CACNG5: variants seen among roughly 807,000 people sequenced by gnomAD.
CACNG5 encodes the protein voltage-dependent calcium channel gamma-5 subunit.
CACNG5 carries 18 observed loss-of-function variants against 24.8 expected under a neutral mutation model. The ratio of observed to expected loss-of-function variants is 0.73; its 90% CI spans 0.50 to 1.08. The LOEUF is 1.08. CACNG5 is among the 50% of genes least tolerant of loss of function. CACNG5 has a pLI of 0.00. For missense variants in CACNG5, 349 were observed against 367.9 expected, an observed-to-expected ratio of 0.95 and a Z score of 0.42; for synonymous variants, 157 against 149.1, an observed-to-expected ratio of 1.05 and a Z score of -0.39.
intron 4 of CACNG5, among the ~76,000 whole-genome samples, chr17:66,881,616 GT>G (rs1179947485): frequency 2.6e-5 from 4 of 152,198 alleles, no homozygotes; most frequent in African/African-American, 4.8e-5. Flanking sequence ...AAAAAGGGCA[GT>G]GCAATGGGAG....
intron 1 of CACNG5, among the ~76,000 whole-genome samples, chr17:66,856,144 T>C (rs1217894890): frequency 1.3e-5 from 2 of 152,220 alleles, no homozygotes; most frequent in Non-Finnish European, 2.9e-5. Flanking sequence ...TCAACATTTT[T>C]GTGTATTTTG....
At position 66,843,339 on chromosome 17, in the gene CACNG5, G is replaced by T. The variant is rs5821502; in HGVS notation, c.-104+8089G>T. On this transcript the variant is annotated intron_variant, in intron 1 of 5. Transcript: ENST00000533854. ...GGGAAAAGCTTGGAAGGCAAAGGGG[G>T]ACAGGACATTTCAAGAGCTACAGTT... Among the ~76,000 whole-genome samples, 1,228 of 152,300 alleles carry T rather than the reference G, an allele frequency of 8.1e-3. 18 individuals carry two copies. Among genetic ancestry groups the T allele is most frequent in the African/African-American group, 0.028 (1,168 of 41,568 alleles).
intron 1 of CACNG5, among the ~76,000 whole-genome samples, chr17:66,844,653 G>A (rs1020222577): frequency 6.6e-6 from 1 of 151,674 alleles, no homozygotes; most frequent in African/African-American, 2.4e-5. Flanking sequence ...CAGTGGTCTC[G>A]GCCCCACAGC....
At chr17:66,866,061 A>G (rs1328818492) in intron 1 of CACNG5, among the ~76,000 whole-genome samples, 1 of 152,164 alleles carries the variant, frequency 6.6e-6, no homozygotes, top group Non-Finnish European at 1.5e-5. Flanking sequence ...ACACATATTT[A>G]GCTGTAAGTA....
At chr17:66,865,262 T>G (rs909871390) in intron 1 of CACNG5, among the ~76,000 whole-genome samples, 2 of 134,360 alleles carry the variant, frequency 1.5e-5, no homozygotes, top group African/African-American at 5.0e-5. Context: ...CTTGTACTAT[T>G]TTTATGTTTT....
intron 3 of CACNG5, 58 bp downstream of exon 3, chr17:66,879,116 G>A (rs2143117060): frequency 2.4e-6 from 3 of 1,274,176 alleles, no homozygotes; most frequent in African/African-American, 2.9e-5. Context: ...GAGCAAGGCA[G>A]AGGGAAGAGT....
chr17:66,839,008 C>G (rs1043339574), intron 1 of CACNG5, among the ~76,000 whole-genome samples: 1 of 131,058 alleles, frequency 7.6e-6, no homozygotes, highest in African/African-American at 2.8e-5. Flanking sequence ...GTCACCCAGG[C>G]TGGAGTGCAG....
chr17:66,883,557 C>G (rs1472960935), intron 4 of CACNG5, among the ~76,000 whole-genome samples: 1 of 152,210 alleles, frequency 6.6e-6, no homozygotes, highest in Non-Finnish European at 1.5e-5. Flanking sequence ...AGAACTGATG[C>G]CTGAGGCAGT....
chr17:66,886,167 T>C lies in CACNG5; in HGVS notation c.*927T>C, dbSNP rs1046462467. ...GGACCAAGGCCCTAAGATGGAATCT[T>C]GTAGACATCTGTCTAAACCACCTAA... is the stretch of plus-strand genomic sequence containing the variant. On this transcript the variant is annotated 3_prime_UTR_variant, in exon 6 of 6. Transcript: ENST00000533854. Among the ~76,000 whole-genome samples, 3 of 152,192 alleles carry C rather than the reference T, an allele frequency of 2.0e-5. No individual in the cohort carries two copies. The highest frequency in any genetic ancestry group is 4.4e-5 in the Non-Finnish European group (3 of 68,034).
At chr17:66,849,726 TGA>T (rs2143043183) in intron 1 of CACNG5, among the ~76,000 whole-genome samples, 1 of 152,282 alleles carries the variant, frequency 6.6e-6, no homozygotes, top group African/African-American at 2.4e-5. Context: ...TTCCTAGGCT[TGA>T]TGGAAGGAGC....
chr17:66,877,539 C>T lies in CACNG5; in HGVS notation c.196+11C>T, dbSNP rs760267736. The T allele has an allele frequency of 8.1e-6, 13 of 1,611,862 alleles. No individual in the cohort carries two copies. Among genetic ancestry groups the T allele is most frequent in the Non-Finnish European group, 1.0e-5 (12 of 1,178,922 alleles). On this transcript the variant is annotated intron_variant, in intron 2 of 5. Transcript: ENST00000533854. ...TCTGCTTCCTTGCAGGTAAGGGTGC[C>T]CAGGGTTGGGGACAGCCCTGCCCCC... is the stretch of plus-strand genomic sequence containing the variant.
At chr17:66,861,834 T>C (rs1324541225) in intron 1 of CACNG5, among the ~76,000 whole-genome samples, 2 of 152,232 alleles carry the variant, frequency 1.3e-5, no homozygotes, top group Admixed American at 6.5e-5. Context: ...TAAGACTTAA[T>C]GTCACCGAAT....
chr17:66,857,065 G>GTTTTTT (rs56153121), intron 1 of CACNG5, among the ~76,000 whole-genome samples: 192 of 94,032 alleles, frequency 2.0e-3, no homozygotes, highest in Middle Eastern at 8.1e-3. Flanking sequence ...CAATTTTTAA[G>GTTTTTT]TTTTTTTTTT....
intron 1 of CACNG5, among the ~76,000 whole-genome samples, chr17:66,859,038 G>A (rs895320873): frequency 3.3e-5 from 5 of 152,160 alleles, no homozygotes; most frequent in Admixed American, 6.5e-5. Context: ...TTCCTCACTC[G>A]TAGGGACATG....
chr17:66,882,432 T>G (rs545093616), intron 4 of CACNG5, among the ~76,000 whole-genome samples: 18 of 152,076 alleles, frequency 1.2e-4, no homozygotes, highest in African/African-American at 4.3e-4. Context: ...GGACCAAAGA[T>G]AGAGATTGGA....
intron 3 of CACNG5, 28 bp downstream of exon 3, chr17:66,879,086 G>T (rs370097357): frequency 1.3e-6 from 2 of 1,557,106 alleles, no homozygotes; most frequent in Non-Finnish European, 8.9e-7. Flanking sequence ...GGCAACCTGG[G>T]CCACTGGCTG....
chr17:66,883,602 C>T (rs1242554204), intron 4 of CACNG5, among the ~76,000 whole-genome samples: 9 of 152,338 alleles, frequency 5.9e-5, no homozygotes, highest in East Asian at 3.9e-4. Context: ...TTGGTCCCCC[C>T]GGCCTCCTGA....
chr17:66,891,482 T>G lies in CACNG5; in HGVS notation c.*6242T>G, dbSNP rs1406381515. ...CCTGCTCATTGGTGTGGCAATTGCATCCACTGAGACTTCAGCTAAGGTTGT... is the reference window on the plus strand; with the variant it reads ...CCTGCTCATTGGTGTGGCAATTGCAGCCACTGAGACTTCAGCTAAGGTTGT... On this transcript the variant is annotated 3_prime_UTR_variant, in exon 6 of 6. Transcript: ENST00000533854. 1.3e-5 allele frequency among the ~76,000 whole-genome samples: 2 copies of G among 152,156 alleles called. No homozygotes were observed. The highest frequency in any genetic ancestry group is 2.9e-5 in the Non-Finnish European group (2 of 68,028).
intron 2 of CACNG5, 135 bp from the exon 3 acceptor site, chr17:66,878,837 G>T: frequency 1.4e-6 from 1 of 697,894 alleles, no homozygotes; most frequent in Admixed American, 2.3e-5. Flanking sequence ...ACCCCCATAG[G>T]GTTTGGATCC....
Sources: allele counts gnomAD v4.1 joint callset (sites outside exome capture counted in the v4.1 genomes callset), GRCh38; gene constraint gnomAD v4.1.1; transcripts MANE v1.5; gene names NCBI Gene and HGNC (gene_info 2026-07-23, HGNC 2026-07-21).